Variants in RAB11FIP3 observed in about 807,000 individuals in gnomAD.
The protein encoded by RAB11FIP3 is RAB11 family interacting protein 3.
In RAB11FIP3, 17 loss-of-function variants were observed where a neutral mutation model predicts 77.8. The ratio of observed to expected loss-of-function variants is 0.22; its 90% CI spans 0.15 to 0.33. The LOEUF (loss-of-function observed/expected upper bound fraction) is 0.33, where lower values mean the gene tolerates loss of function less well. Ranked by LOEUF, RAB11FIP3 falls within the 10% of genes least tolerant of loss-of-function variation. The pLI is 1.00. For synonymous variants in RAB11FIP3, 437 were observed against 448.2 expected (o/e 0.98, Z 0.31); for missense variants, 1,005 against 1,011.2 (o/e 0.99, Z 0.08).
chr16:517,639 C>T (rs1399152677), intron 9 of RAB11FIP3, among the ~76,000 whole-genome samples: 3 of 152,208 alleles, frequency 2.0e-5, no homozygotes, highest in African/African-American at 7.2e-5. Flanking sequence ...AAGCCACAGT[C>T]TTCAGTTAGT....
At chr16:483,550 G>A (rs905855941) in intron 4 of RAB11FIP3, among the ~76,000 whole-genome samples, 7 of 152,202 alleles carry the variant, frequency 4.6e-5, no homozygotes, top group Non-Finnish European at 1.0e-4. Context: ...GGCAGGCCCT[G>A]AAAGAAATCC....
chr16:445,113 C>CAAAAAAAAA (rs56706849), intron 1 of RAB11FIP3, among the ~76,000 whole-genome samples: 3 of 70,786 alleles, frequency 4.2e-5, no homozygotes, highest in East Asian at 4.1e-4. Context: ...GACTCTGTCT[C>CAAAAAAAAA]AAAAAAAAAA....
intron 2 of RAB11FIP3, among the ~76,000 whole-genome samples, chr16:466,114 A>C (rs2055697835): frequency 6.6e-6 from 1 of 152,140 alleles, no homozygotes; most frequent in Non-Finnish European, 1.5e-5. Flanking sequence ...GGCTTGTCAT[A>C]GGGTAAACTT....
Position 520,890 on chromosome 16 carries a change from T to G in RAB11FIP3, c.*51T>G, listed in dbSNP as rs1219294292. 1.4e-6 allele frequency: 2 copies of G among 1,480,622 alleles called. No homozygotes were observed. Among genetic ancestry groups the G allele is most frequent in the South Asian group, 2.3e-5 (2 of 88,216 alleles). 91.7% of individuals were successfully genotyped at this position (1,480,622 alleles called of 1,614,324 possible). Reference sequence around the variant, plus strand: ...GATTCGGGACTCCAACACCCTGGAGTGGTTCCGTCAGACCATGAGGAGCCA... The same window carrying G: ...GATTCGGGACTCCAACACCCTGGAGGGGTTCCGTCAGACCATGAGGAGCCA... On this transcript the variant is annotated 3_prime_UTR_variant, in exon 14 of 14. Coordinates refer to ENST00000262305, the MANE Select transcript of RAB11FIP3 (RefSeq NM_014700.4).
At chr16:488,171 G>C (rs2056196112) in intron 4 of RAB11FIP3, among the ~76,000 whole-genome samples, 1 of 152,206 alleles carries the variant, frequency 6.6e-6, no homozygotes, top group South Asian at 2.1e-4. Flanking sequence ...ACGAGGTCAG[G>C]AGATCGAGAC....
intron 1 of RAB11FIP3, among the ~76,000 whole-genome samples, chr16:440,044 G>A (rs563169618): frequency 2.6e-5 from 4 of 151,988 alleles, no homozygotes; most frequent in Non-Finnish European, 5.9e-5. Flanking sequence ...GTTTCACTGT[G>A]TTAGCCAGGA....
At chr16:488,574 G>C (rs961925410) in intron 4 of RAB11FIP3, among the ~76,000 whole-genome samples, 1 of 151,890 alleles carries the variant, frequency 6.6e-6, no homozygotes, top group African/African-American at 2.4e-5. Context: ...ATGCCTGGGT[G>C]ATTTAAAAAT....
intron 3 of RAB11FIP3, among the ~76,000 whole-genome samples, chr16:478,890 C>T (rs541244330): frequency 8.5e-5 from 13 of 152,206 alleles, no homozygotes; most frequent in Admixed American, 3.9e-4. Flanking sequence ...CACTTGAATC[C>T]GGAGGCAGAG....
rs564465989 is a variant in RAB11FIP3, at chr16:510,266, G to A, written c.1500-394G>A. 7.6e-4 allele frequency among the ~76,000 whole-genome samples: 116 copies of A among 151,856 alleles called. 2 individuals are homozygous for A. Among genetic ancestry groups the A allele is most frequent in the African/African-American group, 2.7e-3 (112 of 41,112 alleles). ...CCGTCCCGAGGCTCCGTGCCTCTGG[G>A]CTCTGAGCGCACGCGTTGTGTGTAG... On this transcript the variant is annotated intron_variant, in intron 8 of 13. Transcript: ENST00000262305.
chr16:470,288 G>A (rs1009529373), intron 2 of RAB11FIP3, among the ~76,000 whole-genome samples: 6 of 151,952 alleles, frequency 3.9e-5, no homozygotes, highest in African/African-American at 1.5e-4. Flanking sequence ...GTGAGCCACT[G>A]CACCCGACCT....
intron 1 of RAB11FIP3, among the ~76,000 whole-genome samples, chr16:460,511 C>T (rs889283853): frequency 6.9e-6 from 1 of 144,064 alleles, no homozygotes; most frequent in African/African-American, 2.5e-5. Context: ...ATCCAATTTA[C>T]ACTTGGCAGA....
rs201469423 is a variant in RAB11FIP3 at position 440,090 on chromosome 16, C to A, written c.714+13370C>A. ...CTCCTGACCTCATGATCCGCCCCCC[C>A]CATCGGCCTCCCAAAGTGCTGGGAT... On this transcript the variant is annotated intron_variant, in intron 1 of 13. Transcript: ENST00000262305. Among the ~76,000 whole-genome samples the A allele has an allele frequency of 3.3e-5, 5 of 152,112 alleles. No homozygotes were observed. In the East Asian group the frequency reaches 7.7e-4, roughly 24 times the overall value.
intron 6 of RAB11FIP3, among the ~76,000 whole-genome samples, chr16:500,687 C>CAAAAAAAAA (rs56771770): frequency 4.5e-5 from 1 of 22,306 alleles, no homozygotes; most frequent in Non-Finnish European, 7.2e-5. Context: ...GACTCTGTCG[C>CAAAAAAAAA]AAAAAAAAAA....
At chr16:481,806 C>T (rs1596254911) in intron 3 of RAB11FIP3, among the ~76,000 whole-genome samples, 1 of 44,174 alleles carries the variant, frequency 2.3e-5, no homozygotes, top group East Asian at 5.6e-4. Flanking sequence ...CCGTCAGTCT[C>T]TTGAGTAGCT....
At position 508,009 on chromosome 16, in the gene RAB11FIP3, C is replaced by G. The variant is rs118116098; in HGVS notation, c.1499+2382C>G. On this transcript the variant is annotated intron_variant, in intron 8 of 13. Coordinates refer to ENST00000262305, the MANE Select transcript of RAB11FIP3 (RefSeq NM_014700.4). ...CGAGTGCTTTCTCCTGTGTTTGATTCCTTATTTTCTGGGTCCCACGTTTTC... is the reference window on the plus strand; with the variant it reads ...CGAGTGCTTTCTCCTGTGTTTGATTGCTTATTTTCTGGGTCCCACGTTTTC... Among the ~76,000 whole-genome samples, 1,153 of 152,352 alleles carry G rather than the reference C, an allele frequency of 7.6e-3. 10 individuals are homozygous for G. Among genetic ancestry groups the G allele is most frequent in the South Asian group, 0.02 (99 of 4,830 alleles).
chr16:491,340 TGAGGGCC>T (rs2030167168), intron 5 of RAB11FIP3: 2 of 1,265,958 alleles, frequency 1.6e-6, no homozygotes, highest in Non-Finnish European at 2.1e-6. Context: ...ACAGCCCCCT[TGAGGGCC>T]TGCCCCGAGG....
intron 6 of RAB11FIP3, chr16:497,598 T>TC: frequency 1.6e-6 from 1 of 644,334 alleles, no homozygotes; most frequent in East Asian, 8.8e-5. Context: ...CCGGGCGTTC[T>TC]CCAGGCCTCG....
Position 488,936 on chromosome 16 carries a change from C to G in RAB11FIP3, c.1201C>G (p.Leu401Val). The change falls in exon 5 of 14, where the codon CTG becomes GTG. Residue 401 changes from leucine to valine, a missense_variant. Physicochemically the swap from Leu to Val is conservative, Grantham distance 32 (BLOSUM62 1). This residue lies in a region of RAB11FIP3 where 433 missense variants were observed against 436.1 expected (regional missense o/e 0.99). Transcript: ENST00000262305. ...CTACGGTGAAGGCAGTGAGGCGGAG[C>G]TGTCCCCAGAGACCCTATGCAACGG... is the stretch of plus-strand genomic sequence containing the variant. The part of the protein sequence containing the change: ...EDYGEGSEAE[L>V]SPETLCNGQL... 1 of 1,614,102 alleles carries G rather than the reference C, an allele frequency of 6.2e-7. No individual in the cohort carries two copies. Among genetic ancestry groups the G allele is most frequent in the South Asian group, 1.1e-5 (1 of 91,074 alleles).
chr16:495,977 C>T (rs183934784), intron 5 of RAB11FIP3, among the ~76,000 whole-genome samples: 14 of 152,176 alleles, frequency 9.2e-5, no homozygotes, highest in Non-Finnish European at 1.3e-4. Flanking sequence ...CTCGAACTCC[C>T]GACCTCTGGA....
Sources: allele counts gnomAD v4.1 joint callset (sites outside exome capture counted in the v4.1 genomes callset), GRCh38; gene constraint gnomAD v4.1.1; regional missense constraint gnomAD v4.1.1; transcripts MANE v1.5; gene names NCBI Gene and HGNC (gene_info 2026-07-23, HGNC 2026-07-21).